Variants in RDX observed in about 807,000 individuals in gnomAD.
RDX encodes the protein deafness, autosomal recessive 24.
In RDX, 32 loss-of-function variants were observed where a neutral mutation model predicts 83.7. That is an observed-to-expected ratio of 0.38 (90% CI 0.29 to 0.51). RDX has a LOEUF of 0.51. Ranked by LOEUF, RDX falls within the 20% of genes least tolerant of loss-of-function variation. RDX has a pLI of 0.87. For missense variants in RDX, 600 were observed against 689.9 expected (o/e 0.87, Z 1.46); for synonymous variants, 229 against 222.7 (o/e 1.03, Z -0.25).
chr11:110,224,408 G>C (rs935715344), intron 14 of RDX, among the ~76,000 whole-genome samples: 2 of 152,066 alleles, frequency 1.3e-5, no homozygotes, highest in Non-Finnish European at 2.9e-5. Flanking sequence ...GCCTCGGTTA[G>C]GCATACATTT....
At chr11:110,176,737 GGA>G (rs1326034545) in intron 15 of RDX, among the ~76,000 whole-genome samples, 18 of 152,204 alleles carry the variant, frequency 1.2e-4, no homozygotes, top group Admixed American at 1.2e-3. Flanking sequence ...GCCAGGCTCT[GGA>G]GGCCTAGCAG....
chr11:110,235,214 C>T (rs1864795559), intron 12 of RDX, among the ~76,000 whole-genome samples: 1 of 152,064 alleles, frequency 6.6e-6, no homozygotes, highest in South Asian at 2.1e-4. Context: ...ATGGTGCATG[C>T]CTGTAGTCTC....
At chr11:110,196,643 G>A (rs554563442) in intron 15 of RDX, among the ~76,000 whole-genome samples, 45 of 152,198 alleles carry the variant, frequency 3.0e-4, no homozygotes, top group Non-Finnish European at 4.7e-4. Flanking sequence ...CACCAGCTCC[G>A]TCTGACCCAC....
intron 15 of RDX, among the ~76,000 whole-genome samples, chr11:110,189,564 A>T (rs940627940): frequency 6.6e-6 from 1 of 152,208 alleles, no homozygotes; most frequent in African/African-American, 2.4e-5. Context: ...CATTCTTCTC[A>T]TCTACATACA....
chr11:110,231,670 A>G lies in RDX; in HGVS notation c.*199T>C. ...ACACCATTCTCCATTCCCTGGACCA[A>G]AAGAAAAAAGAAAACCAAGCATGAT... is the stretch of plus-strand genomic sequence containing the variant. On this transcript the variant is annotated 3_prime_UTR_variant, in exon 14 of 14. Coordinates refer to ENST00000645495, the MANE Select transcript of RDX (RefSeq NM_002906.4). 2 of 624,006 alleles carry G rather than the reference A, an allele frequency of 3.2e-6. No homozygotes were observed. The highest frequency in any genetic ancestry group is 5.7e-6 in the Non-Finnish European group (2 of 350,886). 38.7% of individuals were successfully genotyped at this position (624,006 alleles called of 1,614,324 possible).
At position 110,230,331 on chromosome 11, in the gene RDX, T is replaced by C. The variant is rs1222061841; in HGVS notation, c.*1538A>G. 6.6e-6 allele frequency: 1 copy of C among 152,126 alleles called. No individual in the cohort carries two copies. The highest frequency in any genetic ancestry group is 1.5e-5 in the Non-Finnish European group (1 of 67,990). The allele number at this position is 152,126 out of a possible 1,614,324, so 9.4% of individuals were successfully genotyped here. A position where few individuals can be genotyped will look rare whatever the true frequency, so the allele number is the denominator to read the frequency against. On this transcript the variant is annotated 3_prime_UTR_variant, in exon 14 of 14. Coordinates refer to ENST00000645495, the MANE Select transcript of RDX (RefSeq NM_002906.4). Reference sequence around the variant, plus strand: ...AACAAAGTATTAGAACATGTGAATATTAGAACCTCCTTCTAACTGGAAAGA... The same window carrying C: ...AACAAAGTATTAGAACATGTGAATACTAGAACCTCCTTCTAACTGGAAAGA...
intron 9 of RDX, among the ~76,000 whole-genome samples, chr11:110,249,592 T>C (rs1269166962): frequency 1.3e-5 from 2 of 152,092 alleles, no homozygotes; most frequent in Non-Finnish European, 2.9e-5. Context: ...TTCCACCATT[T>C]AATAATCTAG....
intron 14 of RDX, among the ~76,000 whole-genome samples, chr11:110,201,911 G>GTGTGTGTGTGTGTGTGTT (rs748505885): frequency 7.7e-5 from 3 of 38,980 alleles, no homozygotes; most frequent in Non-Finnish European, 1.4e-4. Context: ...TTTTGTGTGT[G>GTGTGTGTGTGTGTGTGTT]TGTGTGTGTG....
At chr11:110,282,271 G>C (rs1476492116) in intron 1 of RDX, among the ~76,000 whole-genome samples, 1 of 151,984 alleles carries the variant, frequency 6.6e-6, no homozygotes, top group African/African-American at 2.4e-5. Context: ...GCATTTTTTT[G>C]AATCAGTAAT....
chr11:110,225,959 G>A (rs547449001), downstream of RDX, among the ~76,000 whole-genome samples: 14 of 151,612 alleles, frequency 9.2e-5, no homozygotes, highest in African/African-American at 2.2e-4. Flanking sequence ...CTAGCTACTC[G>A]GAAGGCTGAG....
chr11:110,260,212 C>T (rs1456077901), intron 5 of RDX, among the ~76,000 whole-genome samples: 1 of 152,068 alleles, frequency 6.6e-6, no homozygotes, highest in Non-Finnish European at 1.5e-5. Context: ...TCTTGAACTC[C>T]CAGCCTCAGG....
At chr11:110,193,050 G>A (rs1863132630) in intron 15 of RDX, among the ~76,000 whole-genome samples, 1 of 152,182 alleles carries the variant, frequency 6.6e-6, no homozygotes, top group Non-Finnish European at 1.5e-5. Flanking sequence ...CACTCTACCA[G>A]AGAGACACAT....
Position 110,236,483 on chromosome 11 carries a change from T to C in RDX, c.1252-292A>G, listed in dbSNP as rs1057345730. On this transcript the variant is annotated intron_variant, in intron 11 of 13. Coordinates refer to ENST00000645495, the MANE Select transcript of RDX (RefSeq NM_002906.4). ...TAAAAGCTTTTTTAAAAAATTTCCA[T>C]CAATAAACTATTTGTTAAAGTCCAC... 9.3e-5 allele frequency: 30 copies of C among 324,144 alleles called. No homozygotes were observed. The South Asian group carries it at 1.2e-3, about 13-fold the overall frequency. 20.1% of individuals were successfully genotyped at this position (324,144 alleles called of 1,614,324 possible).
At position 110,278,052 on chromosome 11, in the gene RDX, T is replaced by C. The variant is rs191849065; in HGVS notation, c.12+1629A>G. Among the ~76,000 whole-genome samples the C allele has an allele frequency of 4.1e-4, 63 of 152,332 alleles. 1 individual carries two copies. The highest frequency in any genetic ancestry group is 1.2e-3 in the African/African-American group (51 of 41,582). On this transcript the variant is annotated intron_variant, in intron 2 of 13. Transcript: ENST00000645495. ...CAATACCATTTGTTGAAAATAATTA[T>C]AGTTCTCCAGTAAATTGTGTGACAC... is the stretch of plus-strand genomic sequence containing the variant.
intron 11 of RDX, 38 bp from the exon 12 acceptor site, chr11:110,236,229 T>C (rs1864845318): frequency 4.1e-6 from 6 of 1,464,888 alleles, no homozygotes; most frequent in African/African-American, 1.4e-5. Context: ...TAAAATAACA[T>C]ATTTTGAATA....
intron 10 of RDX, among the ~76,000 whole-genome samples, chr11:110,246,189 C>T (rs1286307900): frequency 6.6e-6 from 1 of 152,162 alleles, no homozygotes; most frequent in African/African-American, 2.4e-5. Flanking sequence ...AGCCACCGCA[C>T]CCAGCCTAGG....
chr11:110,282,146 T>C (rs1319687568), intron 1 of RDX, among the ~76,000 whole-genome samples: 1 of 152,116 alleles, frequency 6.6e-6, no homozygotes, highest in Non-Finnish European at 1.5e-5. Flanking sequence ...AATTGCTTCA[T>C]CTCACATTTC....
intron 9 of RDX, among the ~76,000 whole-genome samples, chr11:110,248,613 T>A (rs975656733): frequency 2.6e-5 from 4 of 152,064 alleles, no homozygotes; most frequent in Non-Finnish European, 5.9e-5. Context: ...GGGGGAAAAA[T>A]CAGATTTACC....
At position 110,233,283 on chromosome 11, in the gene RDX, C is replaced by T. The variant is rs758006766; in HGVS notation, c.1541G>A (p.Arg514His). The T allele has an allele frequency of 5.0e-6, 8 of 1,613,830 alleles. No individual in the cohort carries two copies. Among genetic ancestry groups the T allele is most frequent in the South Asian group, 2.2e-5 (2 of 91,076 alleles). ...GVMNHRSEEE[R>H]VTETQKNERV... ...CTCATTTTTCTGTGTTTCGGTTACA[C>T]GTTCTTCCTCGCTTCTATGGTTCAT... is the stretch of plus-strand genomic sequence containing the variant. Residue 514 changes from arginine to histidine, a missense_variant, in exon 13 of 14, where the codon CGT becomes CAT. Arg to His is a conservative substitution (Grantham distance 29). Coordinates refer to ENST00000645495, the MANE Select transcript of RDX (RefSeq NM_002906.4).
Sources: allele counts gnomAD v4.1 joint callset (sites outside exome capture counted in the v4.1 genomes callset), GRCh38; gene constraint gnomAD v4.1.1; transcripts MANE v1.5; gene names NCBI Gene and HGNC (gene_info 2026-07-23, HGNC 2026-07-21).